Variants in PDILT observed in about 807,000 individuals in gnomAD.
The protein encoded by PDILT is protein disulfide-isomerase-like protein of the testis.
Under a neutral mutation model 53.7 loss-of-function variants are expected in PDILT, and 43 were observed. The ratio of observed to expected loss-of-function variants is 0.80; its 90% CI spans 0.63 to 1.03. The LOEUF is 1.03. Ranked by LOEUF, PDILT falls within the 50% of genes least tolerant of loss-of-function variation. The pLI is 0.00. For missense variants in PDILT, 727 were observed against 712.3 expected (o/e 1.02, Z -0.24); for synonymous variants, 282 against 274.2 (o/e 1.03, Z -0.28).
At chr16:20,403,909 C>G (rs1966779838) in intron 1 of PDILT, among the ~76,000 whole-genome samples, 1 of 152,158 alleles carries the variant, frequency 6.6e-6, no homozygotes, top group Non-Finnish European at 1.5e-5. Context: ...TTCTGGTTCT[C>G]TGGGTCCTAG....
intron 2 of PDILT, among the ~76,000 whole-genome samples, chr16:20,393,391 G>A (rs1164050939): frequency 2.6e-5 from 4 of 152,186 alleles, no homozygotes; most frequent in Non-Finnish European, 2.9e-5. Context: ...TGAGTTAGAG[G>A]GAGGTCACAA....
intron 8 of PDILT, among the ~76,000 whole-genome samples, chr16:20,367,079 CT>C (rs771356397): frequency 0.023 from 2,717 of 120,248 alleles, 144 homozygotes; most frequent in African/African-American, 0.034. Context: ...TTCTTTCTTT[CT>C]TTCTTTCTTT....
chr16:20,369,177 G>GTGAT (rs1049186718), intron 8 of PDILT, among the ~76,000 whole-genome samples: 6 of 152,228 alleles, frequency 3.9e-5, no homozygotes, highest in African/African-American at 9.6e-5. Flanking sequence ...CACATTGGAG[G>GTGAT]TGATAGGAGA....
chr16:20,385,869 A>T (rs968574892), intron 2 of PDILT: 3 of 152,240 alleles, frequency 2.0e-5, no homozygotes, highest in African/African-American at 7.2e-5. Context: ...TTTTTGTTTT[A>T]AAAAAATTCT....
At chr16:20,387,342 A>G (rs933651951) in intron 2 of PDILT, among the ~76,000 whole-genome samples, 4 of 152,226 alleles carry the variant, frequency 2.6e-5, no homozygotes, top group Non-Finnish European at 4.4e-5. Context: ...AAAGATGGAA[A>G]GAAATGAGAG....
chr16:20,361,125 G>T (rs1199658915), intron 10 of PDILT, among the ~76,000 whole-genome samples: 1 of 151,474 alleles, frequency 6.6e-6, no homozygotes, highest in African/African-American at 2.4e-5. Context: ...ATAAGAGGAA[G>T]AATAGTTCTT....
intron 8 of PDILT, among the ~76,000 whole-genome samples, chr16:20,365,872 G>A (rs1966184623): frequency 6.6e-6 from 1 of 152,046 alleles, no homozygotes; most frequent in Non-Finnish European, 1.5e-5. Context: ...CATGAAGTCA[G>A]GAGTTTGAGA....
At chr16:20,367,025 T>TTCTTTCTTTCTTTCTTTTCTC (rs1567320614) in intron 8 of PDILT, among the ~76,000 whole-genome samples, 9 of 4,042 alleles carry the variant, frequency 2.2e-3, no homozygotes, top group African/African-American at 7.4e-3. Flanking sequence ...TCTCTCTTTC[T>TTCTTTCTTTCTTTCTTTTCTC]TCTTTCTTTC....
intron 7 of PDILT, among the ~76,000 whole-genome samples, chr16:20,369,972 T>C (rs575906075): frequency 6.6e-6 from 1 of 152,318 alleles, no homozygotes; most frequent in South Asian, 2.1e-4. Flanking sequence ...TCCTGATCTG[T>C]AAAATGATTA....
intron 3 of PDILT, among the ~76,000 whole-genome samples, chr16:20,381,579 T>C (rs567581398): frequency 7.1e-6 from 1 of 141,834 alleles, no homozygotes; most frequent in East Asian, 2.1e-4. Flanking sequence ...GAGGTTGCAG[T>C]GAGCCGAGAT....
At chr16:20,363,927 T>C (rs1364588555) in intron 9 of PDILT, among the ~76,000 whole-genome samples, 16 of 152,200 alleles carry the variant, frequency 1.1e-4, no homozygotes, top group Non-Finnish European at 5.9e-5. Context: ...GCTTTCCTTC[T>C]ACTAGAGCTC....
chr16:20,376,907 A>G (rs1269049297), intron 3 of PDILT, among the ~76,000 whole-genome samples: 1 of 152,238 alleles, frequency 6.6e-6, no homozygotes, highest in African/African-American at 2.4e-5. Context: ...GTGTTTTTCT[A>G]GGATTATCAG....
At chr16:20,386,994 G>T (rs547619708) in intron 2 of PDILT, among the ~76,000 whole-genome samples, 9 of 152,340 alleles carry the variant, frequency 5.9e-5, no homozygotes, top group African/African-American at 1.9e-4. Context: ...GTGGCAACCG[G>T]AGTGCTGGGG....
chr16:20,360,601 G>C lies in PDILT; in HGVS notation c.1473C>G (p.Ser491Arg). ...TLKGFSDFLE[S>R]HIKTKIEDED... ...CATCCTCAATCTTAGTTTTGATGTG[G>C]CTTTCCAGGAAGTCAGAGAAGCCCT... Residue 491 changes from serine (S) to arginine (R), a missense_variant, in exon 11 of 12, where the codon AGC becomes AGG. Transcript: ENST00000302451. The C allele has an allele frequency of 6.2e-7, 1 of 1,614,076 alleles. No individual in the cohort carries two copies. Among genetic ancestry groups the C allele is most frequent in the East Asian group, 2.2e-5 (1 of 44,878 alleles).
intron 2 of PDILT, chr16:20,390,985 ATCATCACCACTG>A (rs1371925677): frequency 6.6e-6 from 1 of 152,490 alleles, no homozygotes; most frequent in Non-Finnish European, 1.5e-5. Context: ...CACCAGCACC[ATCATCACCACTG>A]TCATCACCAT....
chr16:20,362,670 C>T, intron 9 of PDILT, 88 bp from the exon 10 acceptor site: 2 of 1,296,862 alleles, frequency 1.5e-6, no homozygotes, highest in African/African-American at 1.5e-5. Context: ...CTGTGTTCCA[C>T]TTGTGGTCCT....
At chr16:20,377,391 T>C (rs753760228) in intron 3 of PDILT, among the ~76,000 whole-genome samples, 3 of 152,356 alleles carry the variant, frequency 2.0e-5, no homozygotes, top group Non-Finnish European at 4.4e-5. Context: ...TTTATTTACT[T>C]GGCAAATATG....
chr16:20,400,012 CTCTA>C (rs777793980), intron 1 of PDILT, among the ~76,000 whole-genome samples: 15,599 of 141,558 alleles, frequency 0.11, 1,145 homozygotes, highest in Non-Finnish European at 0.15. Context: ...TTGAATATAT[CTCTA>C]TCTATCTATC....
In PDILT at chr16:20,399,371, C is replaced by G. The variant is rs1218775128; in HGVS notation, c.-7-64G>C. On this transcript the variant is annotated intron_variant, in intron 1 of 11. Transcript: ENST00000302451. ...CAGGTGGTGGAGCCCCACGTCATCA[C>G]CCCCACTTCCTTGTCCAGCTGGTCC... The G allele has an allele frequency of 2.7e-5, 41 of 1,533,820 alleles. No individual in the cohort carries two copies. The Admixed American group carries it at 7.0e-4, about 26-fold the overall frequency.
Sources: allele counts gnomAD v4.1 joint callset (sites outside exome capture counted in the v4.1 genomes callset), GRCh38; gene constraint gnomAD v4.1.1; transcripts MANE v1.5; gene names NCBI Gene and HGNC (gene_info 2026-07-23, HGNC 2026-07-21).